The following CDH2 variants were observed in gnomAD, a reference collection of about 807,000 sequenced individuals.
CDH2 encodes cadherin-2.
Under a neutral mutation model 92.0 loss-of-function variants are expected in CDH2, and 17 were observed. The ratio of observed to expected loss-of-function variants is 0.18; its 90% CI spans 0.13 to 0.28. The LOEUF is 0.28. Ranked by LOEUF, CDH2 falls within the 10% of genes least tolerant of loss-of-function variation. CDH2 has a pLI of 1.00. For missense variants in CDH2, 862 were observed against 1,133.1 expected, an observed-to-expected ratio of 0.76 and a Z score of 3.44; for synonymous variants, 419 against 415.9, an observed-to-expected ratio of 1.01 and a Z score of -0.09.
chr18:27,971,742 G>A (rs1419067733), intron 14 of CDH2, among the ~76,000 whole-genome samples: 1 of 152,160 alleles, frequency 6.6e-6, no homozygotes, highest in Non-Finnish European at 1.5e-5. Flanking sequence ...GTGTTTGCAG[G>A]TTGGTAAAAA....
chr18:27,993,875 A>G lies in CDH2; in HGVS notation c.1021-238T>C, dbSNP rs115452525. On this transcript the variant is annotated intron_variant, in intron 7 of 15. Transcript: ENST00000269141. The stretch of plus-strand genomic sequence containing the variant: ...CTACTGGCAGAAAGGAATGCACTGC[A>G]GATGTGTGAAATTCACAGCTAAGCT... 4.9e-3 allele frequency among the ~76,000 whole-genome samples: 748 copies of G among 152,336 alleles called. 5 individuals carry two copies. Among genetic ancestry groups the G allele is most frequent in the African/African-American group, 0.016 (669 of 41,574 alleles).
At chr18:28,125,242 G>A (rs557542593) in intron 2 of CDH2, among the ~76,000 whole-genome samples, 114 of 152,170 alleles carry the variant, frequency 7.5e-4, no homozygotes, top group African/African-American at 2.5e-3. Context: ...ATTGTAAGCC[G>A]GGACTGCCTG....
chr18:28,150,126 G>C (rs1345890337), intron 1 of CDH2, among the ~76,000 whole-genome samples: 15 of 152,194 alleles, frequency 9.9e-5, no homozygotes, highest in Admixed American at 9.8e-4. Flanking sequence ...TTGTAAACCT[G>C]TGTCCCACCA....
intron 2 of CDH2, among the ~76,000 whole-genome samples, chr18:28,060,704 T>C (rs1454245823): frequency 6.6e-6 from 1 of 152,172 alleles, no homozygotes; most frequent in Non-Finnish European, 1.5e-5. Flanking sequence ...TGGGAGACCA[T>C]TTGGTAAGAC....
intron 2 of CDH2, among the ~76,000 whole-genome samples, chr18:28,087,776 A>C (rs1303940252): frequency 6.6e-6 from 1 of 151,636 alleles, no homozygotes; most frequent in African/African-American, 2.4e-5. Context: ...CAAAACAAAA[A>C]AAGAATGAAT....
At chr18:28,057,441 G>A (rs572051248) in intron 2 of CDH2, among the ~76,000 whole-genome samples, 2 of 151,810 alleles carry the variant, frequency 1.3e-5, no homozygotes, top group African/African-American at 2.4e-5. Context: ...TGAGGTGGGC[G>A]GATCACTCAG....
intron 1 of CDH2, among the ~76,000 whole-genome samples, chr18:28,175,685 TC>T (rs1372764615): frequency 6.6e-6 from 1 of 151,920 alleles, no homozygotes; most frequent in Non-Finnish European, 1.5e-5. Flanking sequence ...AGCGGGGTAA[TC>T]CACACCACCT....
intron 12 of CDH2, 34 bp from the exon 13 acceptor site, chr18:27,985,267 TA>T (rs781066812): frequency 4.0e-6 from 5 of 1,236,896 alleles, no homozygotes; most frequent in East Asian, 4.8e-5. Context: ...GTTTGATAGG[TA>T]ATACTTAAAG....
intron 2 of CDH2, among the ~76,000 whole-genome samples, chr18:28,061,066 A>G (rs961522692): frequency 2.6e-5 from 4 of 152,132 alleles, no homozygotes; most frequent in African/African-American, 7.2e-5. Flanking sequence ...TTGAACTTCA[A>G]TGTATATCCC....
At chr18:28,125,491 GA>G (rs1338620342) in intron 2 of CDH2, among the ~76,000 whole-genome samples, 2 of 151,940 alleles carry the variant, frequency 1.3e-5, no homozygotes, top group Non-Finnish European at 2.9e-5. Context: ...ATTGGGGAGG[GA>G]AAAAATGGCA....
chr18:28,038,807 T>A (rs964694662), intron 2 of CDH2, among the ~76,000 whole-genome samples: 2 of 152,188 alleles, frequency 1.3e-5, no homozygotes, highest in African/African-American at 2.4e-5. Flanking sequence ...ATAATTTGTG[T>A]GTTTCCTCTG....
intron 7 of CDH2, among the ~76,000 whole-genome samples, chr18:27,997,884 G>A (rs1332760283): frequency 1.3e-5 from 2 of 151,920 alleles, no homozygotes; most frequent in Non-Finnish European, 2.9e-5. Context: ...TCGGCTCACT[G>A]CAAGCTCTGC....
chr18:28,160,607 C>T (rs534492421), intron 1 of CDH2, among the ~76,000 whole-genome samples: 2 of 152,090 alleles, frequency 1.3e-5, no homozygotes, highest in African/African-American at 2.4e-5. Flanking sequence ...TTGAGGCAGC[C>T]GTCTTTGGCC....
At chr18:27,984,664 C>G (rs555522918) in intron 13 of CDH2, among the ~76,000 whole-genome samples, 1 of 152,306 alleles carries the variant, frequency 6.6e-6, no homozygotes, top group South Asian at 2.1e-4. Flanking sequence ...AATTCATACT[C>G]AAATCATAAG....
intron 2 of CDH2, among the ~76,000 whole-genome samples, chr18:28,065,766 C>T (rs2014494392): frequency 6.6e-6 from 1 of 152,162 alleles, no homozygotes; most frequent in South Asian, 2.1e-4. Flanking sequence ...TGCAGGAGAA[C>T]ATAACCAATG....
chr18:28,047,052 G>GT (rs1670397242), intron 2 of CDH2, among the ~76,000 whole-genome samples: 1 of 152,188 alleles, frequency 6.6e-6, no homozygotes, highest in Admixed American at 6.5e-5. Flanking sequence ...TGTATTTGAT[G>GT]TGATTCCTAG....
At chr18:27,967,090 C>T (rs569124056) in intron 14 of CDH2, among the ~76,000 whole-genome samples, 78 of 152,238 alleles carry the variant, frequency 5.1e-4, no homozygotes, top group Admixed American at 2.7e-3. Flanking sequence ...AATTCCTCCA[C>T]GGTGATGGTG....
intron 7 of CDH2, among the ~76,000 whole-genome samples, chr18:27,996,677 G>A (rs971293040): frequency 6.6e-6 from 1 of 151,750 alleles, no homozygotes; most frequent in African/African-American, 2.4e-5. Context: ...ACACACACAC[G>A]TGTCCCAAGG....
chr18:28,093,581 GAAAAC>G (rs987249694), intron 2 of CDH2, among the ~76,000 whole-genome samples: 4 of 147,398 alleles, frequency 2.7e-5, no homozygotes, highest in Admixed American at 6.8e-5. Context: ...AAAAAAAAAA[GAAAAC>G]AAAACAAAAC....
Sources: allele counts gnomAD v4.1 joint callset (sites outside exome capture counted in the v4.1 genomes callset), GRCh38; gene constraint gnomAD v4.1.1; transcripts MANE v1.5; gene names NCBI Gene and HGNC (gene_info 2026-07-23, HGNC 2026-07-21).